Variants in PALM2AKAP2 observed in about 807,000 individuals in gnomAD.
PALM2AKAP2 encodes the protein PALM2 and AKAP2 fusion, also known as PALM2-AKAP2 fusion protein.
In PALM2AKAP2, 37 loss-of-function variants were observed where a neutral mutation model predicts 71.5. The ratio of observed to expected loss-of-function variants is 0.52; its 90% confidence interval spans 0.40 to 0.68. The LOEUF is 0.68. Ranked by LOEUF, PALM2AKAP2 falls within the 30% of genes least tolerant of loss-of-function variation. The pLI is 0.00. For missense variants in PALM2AKAP2, 1,224 were observed against 1,191.8 expected (o/e 1.03, Z -0.40); for synonymous variants, 468 against 478.8 (o/e 0.98, Z 0.29).
At chr9:110,044,538 G>A (rs1000887297), upstream of PALM2AKAP2, among the ~76,000 whole-genome samples, 40 of 151,286 alleles carry the variant, frequency 2.6e-4, no homozygotes, top group Non-Finnish European at 3.7e-4. Context: ...TTTTAGTAGA[G>A]ACGGGGTTGC....
chr9:109,924,933 T>G, intron 4 of PALM2AKAP2, 128 bp from the exon 5 acceptor site: 1 of 1,346,226 alleles, frequency 7.4e-7, no homozygotes, highest in Non-Finnish European at 1.0e-6. Context: ...ATCGTTGCGT[T>G]TCCCCAGCAC....
intron 3 of PALM2AKAP2, among the ~76,000 whole-genome samples, chr9:109,897,218 A>G (rs749901428): frequency 6.6e-6 from 1 of 152,188 alleles, no homozygotes; most frequent in Non-Finnish European, 1.5e-5. Context: ...GCAAAATGGA[A>G]ATAATCATAA....
At chr9:110,096,384 C>T (rs2118832489) in intron 1 of PALM2AKAP2, among the ~76,000 whole-genome samples, 1 of 150,290 alleles carries the variant, frequency 6.7e-6, no homozygotes, top group Non-Finnish European at 1.5e-5. Context: ...CCATCTCAGC[C>T]TCCCAAGTAG....
chr9:109,880,662 C>T, exon 3 of PALM2AKAP2: 1 of 1,613,960 alleles, frequency 6.2e-7, no homozygotes, highest in Non-Finnish European at 8.5e-7. Flanking sequence ...AGTCAAGCAA[C>T]TTGAAGATAA....
At chr9:109,842,634 G>A (rs1302566978) in intron 1 of PALM2AKAP2, among the ~76,000 whole-genome samples, 1 of 151,880 alleles carries the variant, frequency 6.6e-6, no homozygotes, top group East Asian at 1.9e-4. Flanking sequence ...AGAAGTTTTT[G>A]TTGTCGTCGT....
chr9:109,811,215 G>C (rs1827718057), intron 1 of PALM2AKAP2, among the ~76,000 whole-genome samples: 1 of 152,144 alleles, frequency 6.6e-6, no homozygotes, highest in African/African-American at 2.4e-5. Context: ...TGCAAGTACA[G>C]GTAGGCAAAG....
chr9:110,061,039 C>T (rs1026539478), intron 1 of PALM2AKAP2, among the ~76,000 whole-genome samples: 4 of 152,148 alleles, frequency 2.6e-5, no homozygotes, highest in Non-Finnish European at 5.9e-5. Flanking sequence ...AGGTAACCTC[C>T]TCTCCCAGCC....
Position 109,673,491 on chromosome 9 carries a change from C to T in PALM2AKAP2, c.5+32625C>T, listed in dbSNP as rs147293602. On this transcript the variant is annotated intron_variant, in intron 1 of 6. Transcript: ENST00000374531. ...GACTGTTACGATTTCAGTTGTATTGCATTTGCTGAGGAGTGTTTTACTTTT... is the reference window on the plus strand; with the variant it reads ...GACTGTTACGATTTCAGTTGTATTGTATTTGCTGAGGAGTGTTTTACTTTT... Among the ~76,000 whole-genome samples the T allele has an allele frequency of 9.9e-4, 150 of 152,072 alleles. 3 individuals are homozygous for T. Among genetic ancestry groups the T allele is most frequent in the Admixed American group, 4.8e-3 (73 of 15,254 alleles).
intron 1 of PALM2AKAP2, among the ~76,000 whole-genome samples, chr9:109,689,857 A>G (rs1245505505): frequency 6.6e-6 from 1 of 152,222 alleles, no homozygotes; most frequent in East Asian, 1.9e-4. Context: ...AGGAAGAGGC[A>G]GGATTATGCA....
chr9:110,047,019 AT>A (rs536470416), upstream of PALM2AKAP2, among the ~76,000 whole-genome samples: 1 of 152,204 alleles, frequency 6.6e-6, no homozygotes, highest in Non-Finnish European at 1.5e-5. Flanking sequence ...ATAGATCAGT[AT>A]GTAGGGCATC....
At chr9:109,823,325 G>T (rs1165254547) in intron 1 of PALM2AKAP2, among the ~76,000 whole-genome samples, 5 of 152,180 alleles carry the variant, frequency 3.3e-5, no homozygotes, top group Non-Finnish European at 5.9e-5. Context: ...GACTTGAGCT[G>T]CAGGATCCCA....
chr9:109,864,276 T>C lies in PALM2AKAP2; in HGVS notation c.46-3215T>C, dbSNP rs548967990. 2.6e-5 allele frequency among the ~76,000 whole-genome samples: 4 copies of C among 152,366 alleles called. No individual in the cohort carries two copies. In the South Asian group the frequency reaches 8.3e-4, roughly 32 times the overall value. On this transcript the variant is annotated intron_variant, in intron 1 of 9. Transcript: ENST00000302798. ...ATAAGGAGTTTCCTCAGGGGAAATG[T>C]ATGACTACAGCACAAATGGGCTCAG...
intron 1 of PALM2AKAP2, among the ~76,000 whole-genome samples, chr9:109,746,343 A>G (rs1474317801): frequency 6.6e-6 from 1 of 152,190 alleles, no homozygotes; most frequent in Non-Finnish European, 1.5e-5. Flanking sequence ...AGATAACTCC[A>G]TTTTAGAAAG....
chr9:109,755,262 A>G (rs1288582665), intron 1 of PALM2AKAP2, among the ~76,000 whole-genome samples: 1 of 152,010 alleles, frequency 6.6e-6, no homozygotes, highest in Non-Finnish European at 1.5e-5. Flanking sequence ...CAAATTCCTT[A>G]TCCTGACCAA....
At chr9:110,135,188 T>TATATAA (rs1484544851) in intron 1 of PALM2AKAP2, among the ~76,000 whole-genome samples, 5 of 93,538 alleles carry the variant, frequency 5.3e-5, no homozygotes, top group African/African-American at 2.2e-4. Flanking sequence ...TATATATATA[T>TATATAA]AAATCAGCCA....
intron 1 of PALM2AKAP2, among the ~76,000 whole-genome samples, chr9:110,066,515 A>T (rs7469463): frequency 0.11 from 16,818 of 152,122 alleles, 962 homozygotes; most frequent in Middle Eastern, 0.22. Context: ...TGGGCAGCAT[A>T]GTGAGACCTT....
rs370870911 is a variant in PALM2AKAP2 at position 110,138,346 on chromosome 9, C to T, written c.2376C>T (p.Asp792=). Reference sequence around the variant, plus strand: ...CCCTCCTGGCCACTCAAGAATCTGACGTGATGGTTGGGCCTTTCAAGCTGA... The same window carrying T: ...CCCTCCTGGCCACTCAAGAATCTGATGTGATGGTTGGGCCTTTCAAGCTGA... The change falls in exon 2 of 4, where the codon GAC becomes GAT. Residue 792 remains aspartate (D), a synonymous_variant. Transcript: ENST00000374525. The T allele has an allele frequency of 4.2e-4, 675 of 1,614,148 alleles. 6 individuals carry two copies. In the South Asian group the frequency reaches 6.5e-3, roughly 16 times the overall value.
At chr9:110,124,878 G>GT (rs1474649285) in intron 1 of PALM2AKAP2, among the ~76,000 whole-genome samples, 4 of 151,852 alleles carry the variant, frequency 2.6e-5, no homozygotes, top group East Asian at 1.9e-4. Flanking sequence ...AATGATATGA[G>GT]TAAAAAAAAA....
At chr9:109,819,683 G>A (rs1193216923) in intron 1 of PALM2AKAP2, among the ~76,000 whole-genome samples, 3 of 108,286 alleles carry the variant, frequency 2.8e-5, no homozygotes, top group African/African-American at 6.2e-5. Flanking sequence ...GTAAATAAAG[G>A]CCTAATTATG....
Sources: allele counts gnomAD v4.1 joint callset (sites outside exome capture counted in the v4.1 genomes callset), GRCh38; gene constraint gnomAD v4.1.1; transcripts MANE v1.5; gene names NCBI Gene and HGNC (gene_info 2026-07-23, HGNC 2026-07-21).